Variants in DYSF observed in about 807,000 individuals in gnomAD.
The protein encoded by DYSF is dystrophy-associated fer-1-like 1.
In DYSF, 212 loss-of-function variants were observed where a neutral mutation model predicts 274.9. The ratio of observed to expected loss-of-function variants is 0.77; its 90% CI spans 0.69 to 0.86. The LOEUF is 0.86. DYSF is among the 40% of genes least tolerant of loss of function. The pLI, the probability that DYSF is intolerant of heterozygous loss-of-function variation, is 0.00. For synonymous variants in DYSF, 1,091 were observed against 1,078.7 expected (o/e 1.01, Z -0.22); for missense variants, 2,666 against 2,783.2 (o/e 0.96, Z 0.95).
At chr2:71,462,054 G>A (rs1341767533), upstream of DYSF, among the ~76,000 whole-genome samples, 1 of 152,184 alleles carries the variant, frequency 6.6e-6, no homozygotes, top group Non-Finnish European at 1.5e-5. Flanking sequence ...TCTGTGGCTG[G>A]TAGCACCTTT....
intron 4 of DYSF, among the ~76,000 whole-genome samples, chr2:71,508,072 G>A (rs2085681963): frequency 6.6e-6 from 1 of 152,200 alleles, no homozygotes; most frequent in South Asian, 2.1e-4. Context: ...GGATGGGCAG[G>A]GGGCTTTATT....
In DYSF at chr2:71,634,494, A is replaced by C. The variant is rs191059899; in HGVS notation, c.4528-9471A>C. On this transcript the variant is annotated intron_variant, in intron 41 of 55. Coordinates refer to ENST00000410020, the MANE Select transcript of DYSF (RefSeq NM_001130987.2). ...CTTATTCCTGGACTTCCCGGGGAAG[A>C]GAAGGGAGAAGTGGGCTTGAAATAA... is the stretch of plus-strand genomic sequence containing the variant. Among the ~76,000 whole-genome samples, 307 of 152,320 alleles carry C rather than the reference A, an allele frequency of 2.0e-3. 3 individuals carry two copies. Among genetic ancestry groups the C allele is most frequent in the Non-Finnish European group, 9.4e-4 (64 of 68,022 alleles).
Position 71,454,167 on chromosome 2 carries a change from C to T in DYSF, c.88+81C>T, listed in dbSNP as rs139569636. On this transcript the variant is annotated intron_variant, in intron 1 of 54. Transcript: ENST00000258104. ...CCGCGGCTCTCAACCCTGGAGAGCACCTAGAGCTGAGAGACAGGAGACTTT... is the reference window on the plus strand; with the variant it reads ...CCGCGGCTCTCAACCCTGGAGAGCATCTAGAGCTGAGAGACAGGAGACTTT... 5.0e-4 allele frequency: 687 copies of T among 1,362,390 alleles called. 3 individuals carry two copies. In the African/African-American group the frequency reaches 8.9e-3, roughly 18 times the overall value. The allele number at this position is 1,362,390 out of a possible 1,614,324, so 84.4% of individuals were successfully genotyped here.
At chr2:71,466,970 G>A (rs1297070038) in intron 1 of DYSF, 37 bp downstream of exon 1, 1 of 1,540,348 alleles carries the variant, frequency 6.5e-7, no homozygotes, top group South Asian at 1.2e-5. Flanking sequence ...ATGCTCGGGT[G>A]CTACCCGACT....
intron 4 of DYSF, among the ~76,000 whole-genome samples, chr2:71,510,043 G>A (rs113052914): frequency 0.036 from 5,473 of 152,326 alleles, 125 homozygotes; most frequent in Middle Eastern, 0.065. Flanking sequence ...CTCCCAAAGG[G>A]ATTACAGGCA....
In DYSF at chr2:71,485,754, A is replaced by G. The variant is rs534296345; in HGVS notation, c.239+3784A>G. 2.0e-3 allele frequency among the ~76,000 whole-genome samples: 301 copies of G among 152,360 alleles called. 2 individuals are homozygous for G. Among genetic ancestry groups the G allele is most frequent in the African/African-American group, 6.2e-3 (257 of 41,586 alleles). On this transcript the variant is annotated intron_variant, in intron 3 of 55. Coordinates refer to ENST00000410020, the MANE Select transcript of DYSF (RefSeq NM_001130987.2). ...ACCAGGGAGTAACAAGAATGAACGC[A>G]TGACATTTTAAATTTTGAAAGAAAA...
Position 71,574,407 on chromosome 2 carries a change from GTA to G in DYSF, c.3402+40_3402+41del, listed in dbSNP as rs1305996749. 6.8e-6 allele frequency: 11 copies of G among 1,605,862 alleles called. No individual in the cohort carries two copies. The East Asian group carries it at 2.2e-4, about 33-fold the overall frequency. The stretch of plus-strand genomic sequence containing the variant: ...CTGCACTTGTCCTGGCTTGGGTAGG[GTA>G]TATCTTGGTTTCCCAGGGCTGTTCG... On this transcript the variant is annotated intron_variant, in intron 30 of 55. Transcript: ENST00000410020.
intron 22 of DYSF, among the ~76,000 whole-genome samples, chr2:71,559,126 C>T (rs1268732180): frequency 6.6e-6 from 1 of 152,192 alleles, no homozygotes; most frequent in African/African-American, 2.4e-5. Flanking sequence ...CTGGTGGTGT[C>T]CACTCTGTTC....
intron 3 of DYSF, among the ~76,000 whole-genome samples, chr2:71,484,255 G>A (rs1377247547): frequency 6.6e-6 from 1 of 151,914 alleles, no homozygotes; most frequent in Non-Finnish European, 1.5e-5. Flanking sequence ...GTTCCTCCAT[G>A]TTGGCCAGAG....
chr2:71,461,900 G>A (rs570275389), upstream of DYSF, among the ~76,000 whole-genome samples: 3 of 152,324 alleles, frequency 2.0e-5, no homozygotes, highest in Admixed American at 2.0e-4. Flanking sequence ...TAAGCCTTGG[G>A]AAAATCAATT....
intron 16 of DYSF, among the ~76,000 whole-genome samples, chr2:71,535,748 G>A (rs575700124): frequency 3.4e-4 from 51 of 152,150 alleles, no homozygotes; most frequent in Non-Finnish European, 6.3e-4. Flanking sequence ...GGGTCCCCAG[G>A]CTGGAGGAGC....
At chr2:71,595,846 C>T (rs1012793173) in intron 32 of DYSF, among the ~76,000 whole-genome samples, 5 of 152,172 alleles carry the variant, frequency 3.3e-5, no homozygotes, top group African/African-American at 7.2e-5. Flanking sequence ...GTGATGCACA[C>T]GCAAAACCCA....
intron 10 of DYSF, among the ~76,000 whole-genome samples, chr2:71,518,911 G>A (rs1173334908): frequency 6.6e-6 from 1 of 151,456 alleles, no homozygotes; most frequent in Non-Finnish European, 1.5e-5. Flanking sequence ...TGGCCAACAT[G>A]GTAAAACCCC....
chr2:71,463,813 C>T (rs115695686), upstream of DYSF, among the ~76,000 whole-genome samples: 1,479 of 152,240 alleles, frequency 9.7e-3, 9 homozygotes, highest in Middle Eastern at 0.017. Context: ...GACCAATAGC[C>T]GTTGCCAAGA....
chr2:71,526,411 T>TGGGGGGGGGGGGGGGGGGGGGGGGGG, intron 13 of DYSF, 65 bp downstream of exon 13: 2 of 306,924 alleles, frequency 6.5e-6, no homozygotes, highest in East Asian at 1.1e-4. Flanking sequence ...CTGGTGGGGG[T>TGGGGGGGGGGGGGGGGGGGGGGGGGG]GGGCGATGGC....
intron 3 of DYSF, among the ~76,000 whole-genome samples, chr2:71,490,593 T>G (rs2083766660): frequency 6.6e-6 from 1 of 152,214 alleles, no homozygotes; most frequent in East Asian, 1.9e-4. Flanking sequence ...TTCCAAAGTG[T>G]TGGGATTACA....
At chr2:71,631,989 G>A (rs1347125062) in intron 41 of DYSF, among the ~76,000 whole-genome samples, 1 of 151,988 alleles carries the variant, frequency 6.6e-6, no homozygotes, top group Non-Finnish European at 1.5e-5. Context: ...ACCACCCCCT[G>A]CCCCAAGAGG....
intron 30 of DYSF, among the ~76,000 whole-genome samples, chr2:71,584,614 A>G (rs1203060350): frequency 6.6e-6 from 1 of 152,120 alleles, no homozygotes; most frequent in Non-Finnish European, 1.5e-5. Context: ...AGGGCGAGGG[A>G]ATTCTGGTGA....
At chr2:71,571,539 CAT>C (rs1206417980) in intron 29 of DYSF, among the ~76,000 whole-genome samples, 2 of 131,560 alleles carry the variant, frequency 1.5e-5, no homozygotes, top group African/African-American at 6.0e-5. Context: ...AGCACACACA[CAT>C]CACACCCAGC....
Sources: allele counts gnomAD v4.1 joint callset (sites outside exome capture counted in the v4.1 genomes callset), GRCh38; gene constraint gnomAD v4.1.1; transcripts MANE v1.5; gene names NCBI Gene and HGNC (gene_info 2026-07-23, HGNC 2026-07-21).